GRK1: variants seen among roughly 807,000 people sequenced by gnomAD.
GRK1 encodes the protein rhodopsin kinase GRK1.
In GRK1, 28 loss-of-function variants were observed where a neutral mutation model predicts 41.7. The observed-to-expected ratio is 0.67, with a 90% CI of 0.50 to 0.92. GRK1 has a LOEUF of 0.92. Among genes scored for constraint, GRK1 ranks in the 40% least tolerant of loss-of-function variants. The pLI is 0.00. For missense variants in GRK1, 703 were observed against 671.2 expected (o/e 1.05, Z -0.52); for synonymous variants, 327 against 286.7 (o/e 1.14, Z -1.42).
chr13:113,734,370 T>A (rs2049987310), intron 6 of GRK1: 1 of 152,168 alleles, frequency 6.6e-6, no homozygotes, highest in Admixed American at 6.5e-5. Flanking sequence ...GCCCGCCCTG[T>A]AAGGAAGTCT....
Position 113,735,280 on chromosome 13 carries a change from G to A in GRK1, c.1609G>A (p.Asp537Asn), listed in dbSNP as rs1183668393. The change falls in exon 7 of 7, where the codon GAC (aspartate) becomes AAC (asparagine). Residue 537 changes from aspartate (D) to asparagine (N), a missense_variant. Transcript: ENST00000335678. Reference protein sequence around the residue: ...IFGELNVWRSDGQMPDDMKGI... With the variant: ...IFGELNVWRSNGQMPDDMKGI... ...TGGCGAGCTGAACGTGTGGCGCTCG[G>A]ACGGTCAGATGCCGGACGACATGAA... The A allele has an allele frequency of 6.5e-7, 1 of 1,535,352 alleles. No homozygotes were observed. Among genetic ancestry groups the A allele is most frequent in the African/African-American group, 1.4e-5 (1 of 73,042 alleles).
the GRK1 span, among the ~76,000 whole-genome samples, chr13:113,648,640 G>A: frequency 2.0e-5 from 3 of 152,204 alleles, no homozygotes; most frequent in East Asian, 1.9e-4. Flanking sequence ...CTTGGTGAAC[G>A]AGAAGTGTGT....
upstream of GRK1, among the ~76,000 whole-genome samples, chr13:113,666,730 G>A (rs192098193): frequency 1.3e-5 from 2 of 152,286 alleles, no homozygotes; most frequent in African/African-American, 4.8e-5. Context: ...CTCAGTAAGC[G>A]CTGGTGGTCT....
Position 113,667,947 on chromosome 13 carries a change from G to T in GRK1, c.561G>T (p.Glu187Asp). 1 of 1,610,160 alleles carries T rather than the reference G, an allele frequency of 6.2e-7. No homozygotes were observed. Among genetic ancestry groups the T allele is most frequent in the Non-Finnish European group, 8.5e-7 (1 of 1,178,404 alleles). The change falls in exon 1 of 7, where the codon GAG (glutamate) becomes GAT (aspartate). Residue 187 changes from glutamate to aspartate, a missense_variant. Physicochemically the swap from Glu to Asp is conservative, Grantham distance 45. Transcript: ENST00000335678. The surrounding 1 kb of genome is among the most constrained non-coding windows in gnomAD (Gnocchi z 7.5). ...GGCTGGAAGCCCAGCCCATGGGGGA[G>T]GACTGGTTCCTGGACTTCAGGGTCC... is the stretch of plus-strand genomic sequence containing the variant. The part of the protein sequence containing the change: ...WKWLEAQPMG[E>D]DWFLDFRVLG...
rs1341205231 is a variant in GRK1, at chr13:113,734,037, TGTGTGTGTGCATAC to T, written c.1396+965_1396+978del. Among the ~76,000 whole-genome samples, 19 of 98,376 alleles carry T rather than the reference TGTGTGTGTGCATAC, an allele frequency of 1.9e-4. No homozygotes were observed. In the South Asian group the frequency reaches 3.9e-3, roughly 20 times the overall value. 64.5% of individuals were successfully genotyped at this position (98,376 alleles called of 152,430 possible). Reference sequence around the variant, plus strand: ...GCATGTGTGTGCGTGCGTGTGCGTATGTGTGTGTGCATACGTGTGTGTGCATGTGTGTGCGTGTA... The same window carrying T: ...GCATGTGTGTGCGTGCGTGTGCGTATGTGTGTGTGCATGTGTGTGCGTGTA... On this transcript the variant is annotated intron_variant, in intron 6 of 6. Coordinates refer to ENST00000335678, the MANE Select transcript of GRK1 (RefSeq NM_002929.3).
the GRK1 span, chr13:113,649,346 C>T: frequency 1.2e-5 from 19 of 1,576,962 alleles, no homozygotes; most frequent in African/African-American, 1.1e-4. The surrounding 1 kb of genome is among the most constrained non-coding windows in gnomAD (Gnocchi z 4.7). Context: ...ACCCCGCAGG[C>T]GTGCCCAGGA....
At chr13:113,666,242 G>C (rs1188800488), upstream of GRK1, among the ~76,000 whole-genome samples, 1 of 147,194 alleles carries the variant, frequency 6.8e-6, no homozygotes, top group African/African-American at 2.5e-5. Context: ...ATGTACCCCA[G>C]GTGTGTCCCA....
intron 4 of GRK1, among the ~76,000 whole-genome samples, chr13:113,730,894 A>T (rs1369388318): frequency 6.6e-6 from 1 of 152,262 alleles, no homozygotes; most frequent in Non-Finnish European, 1.5e-5. Flanking sequence ...AAAAGAGTCC[A>T]GGAAGGCTGC....
chr13:113,726,717 C>T (rs2049891121), intron 4 of GRK1, among the ~76,000 whole-genome samples: 1 of 152,166 alleles, frequency 6.6e-6, no homozygotes, highest in Admixed American at 6.5e-5. Flanking sequence ...TCTGGTGGGC[C>T]TTGCTCGTGC....
chr13:113,731,228 C>T lies in GRK1; in HGVS notation c.1079C>T (p.Ala360Val), dbSNP rs1181278181. 23 of 1,536,620 alleles carry T rather than the reference C, an allele frequency of 1.5e-5. No individual in the cohort carries two copies. In the Admixed American group the frequency reaches 4.3e-4, roughly 29 times the overall value. ...TGTCCCTTGCTGGCAGGTTTCATGG[C>T]CCCCGAGCTCCTGCAGGGCGAGGAG... is the stretch of plus-strand genomic sequence containing the variant. ...KGYAGTPGFM[A>V]PELLQGEEYD... The change falls in exon 5 of 7, where the codon GCC (alanine) becomes GTC (valine). Residue 360 changes from alanine to valine, a missense_variant. Ala to Val is a moderately conservative substitution (Grantham distance 64). Transcript: ENST00000335678. This position sits in a 1 kb window ranked among gnomAD's most constrained non-coding sequence, Gnocchi z 5.6.
At chr13:113,654,790 G>C in the GRK1 span, 8 of 1,610,366 alleles carry the variant, frequency 5.0e-6, no homozygotes, top group Non-Finnish European at 5.9e-6. Context: ...CACACGGCAT[G>C]GGGGCAACAT....
chr13:113,666,243 GTGTGTCCCAGC>G (rs979732426), upstream of GRK1, among the ~76,000 whole-genome samples: 1 of 149,044 alleles, frequency 6.7e-6, no homozygotes, highest in Non-Finnish European at 1.5e-5. Context: ...TGTACCCCAG[GTGTGTCCCAGC>G]TGTCCCAAGT....
intron 4 of GRK1, among the ~76,000 whole-genome samples, chr13:113,729,754 T>A (rs2049919995): frequency 6.6e-6 from 1 of 151,938 alleles, no homozygotes; most frequent in Non-Finnish European, 1.5e-5. Flanking sequence ...GACCCGTCCC[T>A]CCATCTGAGA....
At chr13:113,650,453 C>G in the GRK1 span, 1 of 1,614,008 alleles carries the variant, frequency 6.2e-7, no homozygotes, top group Non-Finnish European at 8.5e-7. The surrounding 1 kb of genome is among the most constrained non-coding windows in gnomAD (Gnocchi z 5.0). Flanking sequence ...CTGAAGGTGC[C>G]GTTGGGAGGG....
intron 1 of GRK1, among the ~76,000 whole-genome samples, chr13:113,668,958 G>A (rs78489385): frequency 0.012 from 1,862 of 152,338 alleles, 37 homozygotes; most frequent in African/African-American, 0.04. Context: ...GCGTGTTCTC[G>A]CCGTGGAACT....
chr13:113,723,882 A>G (rs1566695391), intron 4 of GRK1, among the ~76,000 whole-genome samples: 1 of 118,102 alleles, frequency 8.5e-6, no homozygotes, highest in Admixed American at 7.7e-5. Context: ...GTCTGTGCAC[A>G]CACGTGTCCG....
At position 113,731,152 on chromosome 13, in the gene GRK1, G is replaced by A. The variant is rs924339877; in HGVS notation, c.1070-67G>A. On this transcript the variant is annotated intron_variant, in intron 4 of 6. Coordinates refer to ENST00000335678, the MANE Select transcript of GRK1 (RefSeq NM_002929.3). This position sits in a 1 kb window ranked among gnomAD's most constrained non-coding sequence, Gnocchi z 5.6. ...TGCATCCCCAGAGCATCAGTCCTGC[G>A]ATTCCTGGAGTGCGTGCCCACCATG... The A allele has an allele frequency of 2.0e-5, 30 of 1,509,680 alleles. No homozygotes were observed. Among genetic ancestry groups the A allele is most frequent in the African/African-American group, 6.9e-5 (5 of 72,524 alleles). 93.5% of individuals were successfully genotyped at this position (1,509,680 alleles called of 1,614,324 possible).
chr13:113,661,966 CATCTT>C, the GRK1 span, among the ~76,000 whole-genome samples: 4 of 152,310 alleles, frequency 2.6e-5, no homozygotes, highest in Non-Finnish European at 2.9e-5. Flanking sequence ...TTTTCCAACT[CATCTT>C]ATAAGACCAG....
chr13:113,668,274 G>A (rs1465379352), intron 1 of GRK1, among the ~76,000 whole-genome samples, 189 bp downstream of exon 1: 1 of 152,270 alleles, frequency 6.6e-6, no homozygotes, highest in Non-Finnish European at 1.5e-5. Flanking sequence ...TCCAGTCCAT[G>A]TGCAGAAGTC....
Sources: gnomAD v4.1 joint callset for allele counts (sites outside exome capture counted in the v4.1 genomes callset) on GRCh38, gnomAD v4.1.1 for gene constraint, Gnocchi (gnomAD v3.1) non-coding constraint, MANE v1.5 for transcripts, NCBI Gene and HGNC (gene_info 2026-07-23, HGNC 2026-07-21) for gene names.